ANO9: variants seen among roughly 807,000 people sequenced by gnomAD.
The protein encoded by ANO9 is anoctamin-9.
A neutral mutation model predicts 100.5 loss-of-function variants in ANO9; 80 were observed. The ratio of observed to expected loss-of-function variants is 0.80; its 90% confidence interval spans 0.66 to 0.96. The LOEUF is 0.96. Ranked by LOEUF, ANO9 falls within the 40% of genes least tolerant of loss-of-function variation. The probability of loss-of-function intolerance (pLI) is 0.00; values close to 1 mark genes in which losing one functional copy is unlikely to be tolerated. For synonymous variants in ANO9, 473 were observed against 435.6 expected, an observed-to-expected ratio of 1.09 and a Z score of -1.07; for missense variants, 1,064 against 1,072.7, an observed-to-expected ratio of 0.99 and a Z score of 0.11.
At position 418,843 on chromosome 11, in the gene ANO9, G is replaced by A. The variant is rs576751915; in HGVS notation, c.2037-30C>T. ...GGTAAGGAAGTACCTGAGGTCAGGG[G>A]TCAGGAGTTCAGAGGGCATTCTTGG... On this transcript the variant is annotated intron_variant, in intron 21 of 22. Transcript: ENST00000332826. 135 of 1,613,594 alleles carry A rather than the reference G, an allele frequency of 8.4e-5. 1 individual carries two copies. In the South Asian group the frequency reaches 1.4e-3, roughly 17 times the overall value.
rs760436010 is a variant in ANO9 at position 420,593 on chromosome 11, G to A, written c.1656C>T (p.Thr552=). 1 of 1,605,120 alleles carries A rather than the reference G, an allele frequency of 6.2e-7. No homozygotes were observed. The highest frequency in any genetic ancestry group is 8.5e-7 in the Non-Finnish European group (1 of 1,179,536). The stretch of plus-strand genomic sequence containing the variant: ...CCAGCGGGAAGGCGGCCACGAAGAT[G>A]GTGGTGAAGCCGTACTGGATCACTG... ...MEMMIQYGFT[T]IFVAAFPLAP... The change falls in exon 19 of 23, where the codon ACC becomes ACT. Residue 552 remains threonine (T), a synonymous_variant. Transcript: ENST00000332826.
At position 428,185 on chromosome 11, in the gene ANO9, A is replaced by G. The variant is rs1166611685; in HGVS notation, c.1237T>C (p.Phe413Leu). The change falls in exon 15 of 23, where the codon TTC (phenylalanine) becomes CTC (leucine). Residue 413 changes from phenylalanine (F) to leucine (L), a missense_variant. Physicochemically the swap from Phe to Leu is conservative, Grantham distance 22. Coordinates refer to ENST00000332826, the MANE Select transcript of ANO9 (RefSeq NM_001012302.3). The part of the protein sequence containing the change: ...KLCDFEMPRT[F>L]SERESRFTIR... Reference sequence around the variant, plus strand: ...GTGAACCTGCTCTCTCGCTCCGAGAAGGTCCTGGGCATCTCTGGAATGGGA... The same window carrying G: ...GTGAACCTGCTCTCTCGCTCCGAGAGGGTCCTGGGCATCTCTGGAATGGGA... The G allele has an allele frequency of 1.1e-5, 17 of 1,612,088 alleles. No individual in the cohort carries two copies. The highest frequency in any genetic ancestry group is 1.4e-5 in the Non-Finnish European group (16 of 1,179,708).
chr11:419,292 C>A (rs1310788347), intron 20 of ANO9: 4 of 1,408,720 alleles, frequency 2.8e-6, no homozygotes, highest in Middle Eastern at 2.7e-4. Flanking sequence ...AGAGGACATG[C>A]GGAACCTCAC....
chr11:420,013 G>A, intron 19 of ANO9: 1 of 1,354,630 alleles, frequency 7.4e-7, no homozygotes, highest in East Asian at 2.9e-5. Context: ...CACCTCCTGG[G>A]TTCCCACCCC....
In ANO9 at chr11:433,278, G is replaced by A. The variant is rs778983314; in HGVS notation, c.350+36C>T. ...GGACCAATCACACAGGTGGCAAGGGGTTCTCCTGGCCACGGCTCTGGGTGC... is the reference window on the plus strand; with the variant it reads ...GGACCAATCACACAGGTGGCAAGGGATTCTCCTGGCCACGGCTCTGGGTGC... On this transcript the variant is annotated intron_variant, in intron 4 of 22. Transcript: ENST00000332826. The A allele has an allele frequency of 2.5e-6, 4 of 1,602,442 alleles. No individual in the cohort carries two copies. The African/African-American group carries it at 5.4e-5, about 22-fold the overall frequency.
At position 436,489 on chromosome 11, in the gene ANO9, G is replaced by A. The variant is rs1316247304; in HGVS notation, c.7-2391C>T. On this transcript the variant is annotated intron_variant, in intron 1 of 22. Transcript: ENST00000332826. ...GACAGATCTCCCTATTCTCTCTACC[G>A]TCTCAACCACAGAAGCCAGGAAATG... Among the ~76,000 whole-genome samples the A allele has an allele frequency of 4.6e-5, 7 of 151,814 alleles. No homozygotes were observed. In the East Asian group the frequency reaches 5.8e-4, roughly 13 times the overall value.
intron 1 of ANO9, among the ~76,000 whole-genome samples, chr11:436,897 A>G (rs188161087): frequency 2.2e-3 from 1 of 448 alleles, no homozygotes; most frequent in Non-Finnish European, 2.9e-3. Context: ...GGTAAGCAGG[A>G]GGTGAGCAGG....
chr11:436,164 T>C (rs1013699965), intron 1 of ANO9, among the ~76,000 whole-genome samples: 3 of 149,886 alleles, frequency 2.0e-5, no homozygotes, highest in African/African-American at 7.4e-5. Context: ...ACCTCCCAGG[T>C]TCAAGCGATT....
At position 433,422 on chromosome 11, in the gene ANO9, C is replaced by A; in HGVS notation, c.242G>T (p.Arg81Leu). Residue 81 changes from arginine to leucine, a missense_variant, in exon 4 of 23, where the codon CGT (arginine) becomes CTT (leucine). By Grantham distance (102) the Arg-to-Leu change is moderately radical. Transcript: ENST00000332826. ...CAGGCCAAAGACACTGTTGTCAGCA[C>A]GGATCCCAAAGAAGACCTGTTTCTG... is the stretch of plus-strand genomic sequence containing the variant. ...RDQKQVFFGI[R>L]ADNSVFGLYR... The A allele has an allele frequency of 6.2e-7, 1 of 1,613,324 alleles. No homozygotes were observed.
chr11:429,810 G>A lies in ANO9; in HGVS notation c.780C>T (p.His260=), dbSNP rs374180690. ...CCACCGTGCCATCATTGTCAAAGAGGTGGGTGAGCTGGGGGGGTGATAGGT... is the reference window on the plus strand; with the variant it reads ...CCACCGTGCCATCATTGTCAAAGAGATGGGTGAGCTGGGGGGGTGATAGGT... ...SETCTFAKLT[H]LFDNDGTVVF... Residue 260 remains histidine, a synonymous_variant, in exon 10 of 23, where the codon CAC becomes CAT. Coordinates refer to ENST00000332826, the MANE Select transcript of ANO9 (RefSeq NM_001012302.3). 3.7e-6 allele frequency: 6 copies of A among 1,605,084 alleles called. No individual in the cohort carries two copies. In the African/African-American group the frequency reaches 8.0e-5, roughly 21 times the overall value.
At position 429,825 on chromosome 11, in the gene ANO9, G is replaced by A. The variant is rs1848776977; in HGVS notation, c.772-7C>T. On this transcript the variant is annotated splice_polypyrimidine_tract_variant and splice_region_variant and intron_variant, in intron 9 of 22. Transcript: ENST00000332826. ...TGTCAAAGAGGTGGGTGAGCTGGGG[G>A]GGTGATAGGTGGGCCGGAGAGGAGG... 1 of 1,597,510 alleles carries A rather than the reference G, an allele frequency of 6.3e-7. No homozygotes were observed. The highest frequency in any genetic ancestry group is 8.5e-7 in the Non-Finnish European group (1 of 1,170,336).
intron 1 of ANO9, among the ~76,000 whole-genome samples, chr11:438,937 C>A (rs1035613721): frequency 6.6e-6 from 1 of 152,194 alleles, no homozygotes; most frequent in Non-Finnish European, 1.5e-5. Flanking sequence ...CACACTCAGT[C>A]TGAGGGCCTC....
chr11:418,490 G>C lies in ANO9; in HGVS notation c.2230C>G (p.Arg744Gly). 6.2e-7 allele frequency: 1 copy of C among 1,613,128 alleles called. No homozygotes were observed. The highest frequency in any genetic ancestry group is 8.5e-7 in the Non-Finnish European group (1 of 1,180,008). Residue 744 changes from arginine (R) to glycine (G), a missense_variant, in exon 23 of 23, where the codon CGT becomes GGT. Arg to Gly is a moderately radical substitution (Grantham distance 125). Coordinates refer to ENST00000332826, the MANE Select transcript of ANO9 (RefSeq NM_001012302.3). ...KVLEVKYQRL[R>G]EKMWHGRQRL... is the part of the protein sequence containing the mutation. ...TGCCTTCCATGCCACATCTTCTCAC[G>C]CAGCCTCTGGTACTTCACCTCCAGA...
Position 418,054 on chromosome 11 carries a change from T to A in ANO9, c.*317A>T, listed in dbSNP as rs1847952413. ...CACGGCAGGATCTGGCGCCCAGAAG[T>A]CAGAGGGAGGCCCAGGAAATTTGCG... is the stretch of plus-strand genomic sequence containing the variant. On this transcript the variant is annotated 3_prime_UTR_variant, in exon 23 of 23. Transcript: ENST00000332826. The A allele has an allele frequency of 2.9e-6, 1 of 347,742 alleles. No homozygotes were observed. Among genetic ancestry groups the A allele is most frequent in the Non-Finnish European group, 5.2e-6 (1 of 190,628 alleles). The allele number at this position is 347,742 out of a possible 1,614,324, so 21.5% of individuals were successfully genotyped here. A position where few individuals can be genotyped will look rare whatever the true frequency, so the allele number is the denominator to read the frequency against.
chr11:425,329 G>A (rs1564911722), intron 15 of ANO9, among the ~76,000 whole-genome samples: 1 of 151,662 alleles, frequency 6.6e-6, no homozygotes, highest in Non-Finnish European at 1.5e-5. Context: ...TGGAAGAAAA[G>A]GGACTCCGTG....
chr11:423,169 C>G (rs1203950779), intron 15 of ANO9, among the ~76,000 whole-genome samples: 1 of 152,126 alleles, frequency 6.6e-6, no homozygotes, highest in Non-Finnish European at 1.5e-5. Flanking sequence ...ATGATTCTGA[C>G]ATTCATCTGA....
chr11:429,480 C>T, intron 11 of ANO9, 90 bp downstream of exon 11: 1 of 1,550,374 alleles, frequency 6.5e-7, no homozygotes, highest in Non-Finnish European at 8.7e-7. Flanking sequence ...ACACCTCAGA[C>T]ACGGCAGGCA....
intron 1 of ANO9, among the ~76,000 whole-genome samples, chr11:435,239 G>A (rs533133181): frequency 1.9e-4 from 28 of 150,396 alleles, no homozygotes; most frequent in Non-Finnish European, 3.0e-4. Flanking sequence ...GTATGGTATA[G>A]TATGGTATAG....
intron 3 of ANO9, 67 bp from the exon 4 acceptor site, chr11:433,526 T>TC: frequency 6.9e-7 from 1 of 1,446,460 alleles, no homozygotes; most frequent in Middle Eastern, 2.0e-4. Flanking sequence ...CTCAGAACCC[T>TC]CCCCCCTCTA....
Sources: allele counts gnomAD v4.1 joint callset (sites outside exome capture counted in the v4.1 genomes callset), GRCh38; gene constraint gnomAD v4.1.1; transcripts MANE v1.5; gene names NCBI Gene and HGNC (gene_info 2026-07-23, HGNC 2026-07-21).